CTTNBP2: variants seen among roughly 807,000 people sequenced by gnomAD.
CTTNBP2 encodes cortactin-binding protein 2.
A neutral mutation model predicts 156.9 loss-of-function variants in CTTNBP2; 108 were observed. The observed-to-expected ratio is 0.69, with a 90% CI of 0.59 to 0.81. The LOEUF (loss-of-function observed/expected upper bound fraction) is 0.81, where lower values mean the gene tolerates loss of function less well. Among genes scored for constraint, CTTNBP2 ranks in the 30% least tolerant of loss-of-function variants. The probability of loss-of-function intolerance (pLI) is 0.00; values close to 1 mark genes in which losing one functional copy is unlikely to be tolerated. For synonymous variants in CTTNBP2, 767 were observed against 751.8 expected, an observed-to-expected ratio of 1.02 and a Z score of -0.33; for missense variants, 1,924 against 2,035.4, an observed-to-expected ratio of 0.95 and a Z score of 1.05.
Position 117,768,581 on chromosome 7 carries a change from A to AAAGAAAG in CTTNBP2, c.2779-1406_2779-1405insCTTTCTT, listed in dbSNP as rs1554419707. ...ACTCTGTCTCAAAAAAAAAAAAAAAAAAAGAAAGAAAGAAAGAAAGAAATA... is the reference window on the plus strand; with the variant it reads ...ACTCTGTCTCAAAAAAAAAAAAAAAAAAGAAAGAAAGAAAGAAAGAAAGAAAGAAATA... On this transcript the variant is annotated intron_variant, in intron 8 of 22. Coordinates refer to ENST00000160373, the MANE Select transcript of CTTNBP2 (RefSeq NM_033427.3). 8.8e-3 allele frequency among the ~76,000 whole-genome samples: 870 copies of AAAGAAAG among 99,110 alleles called. 12 individuals carry two copies. The highest frequency in any genetic ancestry group is 0.019 in the African/African-American group (397 of 21,038). The allele number at this position is 99,110 out of a possible 152,430, so 65.0% of individuals were successfully genotyped here.
At chr7:117,717,792 A>ATCAAATTGAAGGGAAAAAAG in intron 22 of CTTNBP2, among the ~76,000 whole-genome samples, 1 of 152,128 alleles carries the variant, frequency 6.6e-6, no homozygotes, top group Middle Eastern at 3.4e-3. Context: ...AAATTTTGGA[A>ATCAAATTGAAGGGAAAAAAG]TCAAATTGAA....
intron 2 of CTTNBP2, among the ~76,000 whole-genome samples, chr7:117,822,604 C>T (rs1374960104): frequency 6.6e-6 from 1 of 151,984 alleles, no homozygotes; most frequent in Non-Finnish European, 1.5e-5. Context: ...TGTCTAAATC[C>T]CTTTTGGTTT....
rs1039081678 is a variant in CTTNBP2, at chr7:117,760,450, G to C, written c.3157C>G (p.Arg1053Gly). ...SNIGLSARSI[R>G]SITLGNVPWS... ...CTGCTGATACCTAGCGTGATGGATC[G>C]TATGCTTCTTGCACTGAGGCCGATG... The change falls in exon 10 of 23, where the codon CGA becomes GGA. Residue 1053 changes from arginine (R) to glycine (G), a missense_variant. Arg to Gly is a moderately radical substitution (Grantham distance 125). Coordinates refer to ENST00000160373, the MANE Select transcript of CTTNBP2 (RefSeq NM_033427.3). 2 of 1,613,786 alleles carry C rather than the reference G, an allele frequency of 1.2e-6. No homozygotes were observed. Among genetic ancestry groups the C allele is most frequent in the African/African-American group, 2.7e-5 (2 of 74,908 alleles).
Position 117,757,976 on chromosome 7 carries a change from T to A in CTTNBP2, c.3173-6A>T. 1.2e-6 allele frequency: 2 copies of A among 1,608,674 alleles called. No homozygotes were observed. Among genetic ancestry groups the A allele is most frequent in the Non-Finnish European group, 1.7e-6 (2 of 1,177,150 alleles). ...CACTGACCACGGCACATTTCCTAGT[T>A]TCAAAAAATGAAATAAAATGTCAAG... On this transcript the variant is annotated splice_region_variant and splice_polypyrimidine_tract_variant and intron_variant, in intron 10 of 22. Coordinates refer to ENST00000160373, the MANE Select transcript of CTTNBP2 (RefSeq NM_033427.3).
At chr7:117,853,347 T>C (rs753944652) in intron 2 of CTTNBP2, among the ~76,000 whole-genome samples, 2 of 152,312 alleles carry the variant, frequency 1.3e-5, no homozygotes, top group Non-Finnish European at 2.9e-5. Context: ...GAATTACTTA[T>C]GCAAAGTTGA....
chr7:117,764,502 T>C (rs946805185), intron 9 of CTTNBP2, among the ~76,000 whole-genome samples: 7 of 152,292 alleles, frequency 4.6e-5, no homozygotes, highest in African/African-American at 1.7e-4. Flanking sequence ...CCTATGCATA[T>C]TTTTACACTT....
At chr7:117,786,688 T>G (rs563515519) in intron 4 of CTTNBP2, among the ~76,000 whole-genome samples, 1 of 152,196 alleles carries the variant, frequency 6.6e-6, no homozygotes, top group Non-Finnish European at 1.5e-5. Flanking sequence ...TACCAATATA[T>G]GTAAATGGTT....
At chr7:117,763,173 A>G (rs1443106050) in intron 9 of CTTNBP2, among the ~76,000 whole-genome samples, 1 of 152,228 alleles carries the variant, frequency 6.6e-6, no homozygotes, top group Non-Finnish European at 1.5e-5. Flanking sequence ...TTAGACTATA[A>G]GCTTCAGGAT....
chr7:117,833,403 T>C (rs1339645538), intron 2 of CTTNBP2, among the ~76,000 whole-genome samples: 2 of 152,226 alleles, frequency 1.3e-5, no homozygotes, highest in Non-Finnish European at 2.9e-5. Flanking sequence ...TTTCTGTGTT[T>C]GTGTGTCTTA....
At chr7:117,842,268 C>A (rs890307743) in intron 2 of CTTNBP2, among the ~76,000 whole-genome samples, 1 of 151,920 alleles carries the variant, frequency 6.6e-6, no homozygotes, top group Non-Finnish European at 1.5e-5. Flanking sequence ...TGGTGCGATC[C>A]CGGCTCACTA....
intron 9 of CTTNBP2, among the ~76,000 whole-genome samples, chr7:117,762,092 C>A (rs1048919569): frequency 2.0e-5 from 3 of 152,122 alleles, no homozygotes; most frequent in Non-Finnish European, 4.4e-5. Flanking sequence ...TTCTCTCCAC[C>A]TTTTCCAGAC....
intron 17 of CTTNBP2, among the ~76,000 whole-genome samples, chr7:117,726,876 G>A (rs1316449729): frequency 2.0e-5 from 3 of 152,150 alleles, no homozygotes; most frequent in Non-Finnish European, 4.4e-5. Context: ...ATGAAGTGCT[G>A]TGTCCCTAAC....
chr7:117,728,015 C>G, intron 17 of CTTNBP2, 74 bp downstream of exon 17: 13 of 1,341,576 alleles, frequency 9.7e-6, no homozygotes, highest in African/African-American at 1.4e-5. Context: ...GCCTGGTCAG[C>G]ATTCTCACCC....
intron 4 of CTTNBP2, among the ~76,000 whole-genome samples, chr7:117,786,980 A>T (rs917334235): frequency 6.6e-6 from 1 of 152,212 alleles, no homozygotes; most frequent in Admixed American, 6.5e-5. Flanking sequence ...ATATATTTTT[A>T]AAATCTTTAC....
In CTTNBP2 at chr7:117,776,043, T is replaced by C. The variant is rs1798080691; in HGVS notation, c.2778+1468A>G. 2.0e-5 allele frequency among the ~76,000 whole-genome samples: 3 copies of C among 152,330 alleles called. No homozygotes were observed. The South Asian group carries it at 6.2e-4, about 32-fold the overall frequency. The stretch of plus-strand genomic sequence containing the variant: ...AACAGGAAGTTACCCAACCAGGAGC[T>C]CTAAATACACATCTTTAGCTATCTC... On this transcript the variant is annotated intron_variant, in intron 8 of 22. Transcript: ENST00000160373.
intron 19 of CTTNBP2, among the ~76,000 whole-genome samples, chr7:117,721,525 T>C (rs988985632): frequency 1.3e-5 from 2 of 152,286 alleles, no homozygotes; most frequent in Non-Finnish European, 2.9e-5. Flanking sequence ...GTAATCACCC[T>C]TTCTCTACCT....
In CTTNBP2 at chr7:117,745,895, T is replaced by C. The variant is rs779409536; in HGVS notation, c.3471A>G (p.Ile1157Met). 3 of 1,614,158 alleles carry C rather than the reference T, an allele frequency of 1.9e-6. No individual in the cohort carries two copies. Among genetic ancestry groups the C allele is most frequent in the Middle Eastern group, 1.6e-4 (1 of 6,062 alleles). The change falls in exon 14 of 23, where the codon ATA becomes ATG. Residue 1157 changes from isoleucine (I) to methionine (M), a missense_variant. Ile to Met is a conservative substitution (Grantham distance 10). Coordinates refer to ENST00000160373, the MANE Select transcript of CTTNBP2 (RefSeq NM_033427.3). ...RQMAAGFSCEIVRAEVDAGFS... is the reference protein window; with the variant it reads ...RQMAAGFSCEMVRAEVDAGFS... ...AACCAGCATCTACTTCAGCTCTCAC[T>C]ATTTCACAGGAGAATCCTGCAGCCA... is the stretch of plus-strand genomic sequence containing the variant.
chr7:117,724,988 C>T, intron 18 of CTTNBP2, 64 bp downstream of exon 18: 1 of 1,452,440 alleles, frequency 6.9e-7, no homozygotes, highest in Non-Finnish European at 9.6e-7. Flanking sequence ...TCTCTAAAAA[C>T]AGCTTTTAAA....
chr7:117,746,265 G>T (rs1796325619), intron 12 of CTTNBP2, among the ~76,000 whole-genome samples, 166 bp from the exon 13 acceptor site: 1 of 152,178 alleles, frequency 6.6e-6, no homozygotes, highest in Non-Finnish European at 1.5e-5. Flanking sequence ...ACTCTCATTT[G>T]AATGTGAAAC....
Sources: gnomAD v4.1 joint callset for allele counts (sites outside exome capture counted in the v4.1 genomes callset) on GRCh38, gnomAD v4.1.1 for gene constraint, MANE v1.5 for transcripts, NCBI Gene and HGNC (gene_info 2026-07-23, HGNC 2026-07-21) for gene names.